Variants in PRUNE2 observed in about 807,000 individuals in gnomAD.
PRUNE2 encodes the protein prune homolog 2 with BCH domain.
A neutral mutation model predicts 252.0 loss-of-function variants in PRUNE2; 164 were observed. The observed-to-expected ratio is 0.65, with a 90% CI of 0.57 to 0.74. PRUNE2 has a LOEUF of 0.74. PRUNE2 is among the 30% of genes least tolerant of loss of function. PRUNE2 has a pLI of 0.00. For missense variants in PRUNE2, 3,495 were observed against 3,711.0 expected, an observed-to-expected ratio of 0.94 and a Z score of 1.51; for synonymous variants, 1,292 against 1,350.2, an observed-to-expected ratio of 0.96 and a Z score of 0.94.
intron 6 of PRUNE2, chr9:76,758,614 T>C (rs2130662338): frequency 6.6e-6 from 1 of 152,028 alleles, no homozygotes; most frequent in South Asian, 2.1e-4. Flanking sequence ...CGCCTCAGCC[T>C]CCTGAGTAGC....
chr9:76,774,015 G>A (rs1199450125), intron 6 of PRUNE2, among the ~76,000 whole-genome samples: 1 of 152,174 alleles, frequency 6.6e-6, no homozygotes, highest in African/African-American at 2.4e-5. Context: ...TCAGGGCTAG[G>A]AAAGGACAGG....
At chr9:76,657,894 G>C (rs949171682) in intron 9 of PRUNE2, among the ~76,000 whole-genome samples, 1 of 152,164 alleles carries the variant, frequency 6.6e-6, no homozygotes, top group South Asian at 2.1e-4. Context: ...ATTGATGTTA[G>C]AAAATAGAGC....
intron 18 of PRUNE2, among the ~76,000 whole-genome samples, chr9:76,616,070 T>G (rs139895385): frequency 6.8e-6 from 1 of 147,042 alleles, no homozygotes; most frequent in African/African-American, 2.5e-5. Context: ...GCCCGGCCCC[T>G]CAGTGTTTTT....
chr9:76,731,993 G>T (rs1286157087), intron 6 of PRUNE2, among the ~76,000 whole-genome samples: 2 of 152,236 alleles, frequency 1.3e-5, no homozygotes, highest in East Asian at 3.9e-4. Context: ...TCCTCTAAGG[G>T]ACCCTGATAC....
intron 6 of PRUNE2, 162 bp downstream of exon 6, chr9:76,823,470 T>G: frequency 3.2e-6 from 2 of 627,308 alleles, no homozygotes; most frequent in South Asian, 2.1e-5. Flanking sequence ...TAGCATAGTG[T>G]TTTCACCCAA....
Position 76,705,676 on chromosome 9 carries a change from T to G in PRUNE2, c.6598A>C (p.Ser2200Arg). 6.2e-7 allele frequency: 1 copy of G among 1,614,032 alleles called. No homozygotes were observed. Among genetic ancestry groups the G allele is most frequent in the Non-Finnish European group, 8.5e-7 (1 of 1,179,884 alleles). Residue 2200 changes from serine to arginine, a missense_variant, in exon 8 of 19, where the codon AGT becomes CGT. Transcript: ENST00000376718. ...PEPSEINGDN[S>R]TGLQVSEKGA... ...TTTTCTGATACTTGTAAACCTGTAC[T>G]GTTGTCACCGTTTATTTCAGAAGGT...
intron 6 of PRUNE2, among the ~76,000 whole-genome samples, chr9:76,731,720 T>C (rs112775721): frequency 3.3e-4 from 50 of 152,284 alleles, no homozygotes; most frequent in African/African-American, 1.2e-3. Flanking sequence ...AATGTACACC[T>C]CATTGGTACA....
At chr9:76,854,070 A>G (rs1401085374) in intron 2 of PRUNE2, 34 bp downstream of exon 2, 3 of 1,042,788 alleles carry the variant, frequency 2.9e-6, no homozygotes, top group Non-Finnish European at 4.3e-6. Context: ...ATAATAATTC[A>G]AAATATAAGG....
At chr9:76,861,695 C>T (rs940857511) in intron 1 of PRUNE2, among the ~76,000 whole-genome samples, 17 of 152,048 alleles carry the variant, frequency 1.1e-4, no homozygotes, top group African/African-American at 3.9e-4. Context: ...AATCGAGTGA[C>T]CTCAAATATC....
chr9:76,712,967 G>A (rs533486822), intron 7 of PRUNE2, among the ~76,000 whole-genome samples: 1 of 152,268 alleles, frequency 6.6e-6, no homozygotes, highest in Non-Finnish European at 1.5e-5. Context: ...GAAGCATCTG[G>A]GGCCCCGTGT....
chr9:76,815,488 T>C (rs900115031), intron 6 of PRUNE2, among the ~76,000 whole-genome samples: 59 of 152,046 alleles, frequency 3.9e-4, no homozygotes, highest in African/African-American at 1.2e-3. Context: ...GACAAACATG[T>C]CCCCGCAAGC....
chr9:76,843,529 T>G (rs1480669094), intron 4 of PRUNE2, among the ~76,000 whole-genome samples: 1 of 151,930 alleles, frequency 6.6e-6, no homozygotes, highest in Non-Finnish European at 1.5e-5. Flanking sequence ...CACCCAAAAA[T>G]CCAAAGTAAC....
At chr9:76,662,157 C>G (rs1340900019) in intron 9 of PRUNE2, among the ~76,000 whole-genome samples, 1 of 152,170 alleles carries the variant, frequency 6.6e-6, no homozygotes, top group Non-Finnish European at 1.5e-5. Flanking sequence ...ACTGAATTAG[C>G]TAAGCATTCA....
At chr9:76,887,862 G>A (rs923297616) in intron 1 of PRUNE2, among the ~76,000 whole-genome samples, 3 of 152,108 alleles carry the variant, frequency 2.0e-5, no homozygotes, top group East Asian at 1.9e-4. Flanking sequence ...TTGCTACCAC[G>A]GCATAACCTA....
At chr9:76,693,460 T>TTTTTTTTTGG in intron 9 of PRUNE2, among the ~76,000 whole-genome samples, 2 of 106,336 alleles carry the variant, frequency 1.9e-5, no homozygotes, top group South Asian at 3.0e-4. Flanking sequence ...TTTTTTTTTT[T>TTTTTTTTTGG]GGAGACGGAG....
At chr9:76,687,782 T>C in intron 9 of PRUNE2, 1 of 204,042 alleles carries the variant, frequency 4.9e-6, no homozygotes, top group East Asian at 1.3e-4. Context: ...TCTAGGAGGA[T>C]AAAGAGGAAA....
rs186430903 is a variant in PRUNE2, at chr9:76,616,449, C to T, written c.9237-1849G>A. On this transcript the variant is annotated intron_variant, in intron 18 of 18. Coordinates refer to ENST00000376718, the MANE Select transcript of PRUNE2 (RefSeq NM_015225.3). ...TACTAAACCAAAATTTGGGGCACAT[C>T]GTCTAAAAACTGCGAGAGTGGGTCA... is the stretch of plus-strand genomic sequence containing the variant. Among the ~76,000 whole-genome samples the T allele has an allele frequency of 2.2e-4, 34 of 152,234 alleles. No individual in the cohort carries two copies. The East Asian group carries it at 5.6e-3, about 25-fold the overall frequency.
Position 76,742,558 on chromosome 9 carries a change from T to TA in PRUNE2, c.757-28838dup, listed in dbSNP as rs557344571. 4.6e-5 allele frequency among the ~76,000 whole-genome samples: 7 copies of TA among 151,584 alleles called. No individual in the cohort carries two copies. In the South Asian group the frequency reaches 1.5e-3, roughly 32 times the overall value. Reference sequence around the variant, plus strand: ...ACTTGAGCCCAGGAGGTCAAGGCTATAGCAAGCCAAGATTGTGCCATAGCA... The same window carrying TA: ...ACTTGAGCCCAGGAGGTCAAGGCTATAAGCAAGCCAAGATTGTGCCATAGCA... On this transcript the variant is annotated intron_variant, in intron 6 of 18. Transcript: ENST00000376718.
intron 9 of PRUNE2, among the ~76,000 whole-genome samples, chr9:76,670,560 G>C (rs1382718845): frequency 6.6e-6 from 1 of 152,236 alleles, no homozygotes; most frequent in South Asian, 2.1e-4. Context: ...ACAGCTCAAG[G>C]AGGCCTGCCT....
Sources: allele counts gnomAD v4.1 joint callset (sites outside exome capture counted in the v4.1 genomes callset), GRCh38; gene constraint gnomAD v4.1.1; transcripts MANE v1.5; gene names NCBI Gene and HGNC (gene_info 2026-07-23, HGNC 2026-07-21).